SEMA4B: variants seen among roughly 807,000 people sequenced by gnomAD.
SEMA4B encodes semaphorin 4B.
SEMA4B carries 55 observed loss-of-function variants against 88.1 expected under a neutral mutation model. That is an observed-to-expected ratio of 0.62 (90% CI 0.50 to 0.78). The LOEUF (loss-of-function observed/expected upper bound fraction) is 0.78. SEMA4B is among the 30% of genes least tolerant of loss of function. The pLI, the probability that SEMA4B is intolerant of heterozygous loss-of-function variation, is 0.00. For synonymous variants in SEMA4B, 525 were observed against 473.6 expected, an observed-to-expected ratio of 1.11 and a Z score of -1.41; for missense variants, 1,062 against 1,111.9, an observed-to-expected ratio of 0.96 and a Z score of 0.64.
At chr15:90,224,547 C>A (rs1282660302) in intron 9 of SEMA4B, among the ~76,000 whole-genome samples, 1 of 152,178 alleles carries the variant, frequency 6.6e-6, no homozygotes, top group Non-Finnish European at 1.5e-5. Flanking sequence ...TGCTGGAGCC[C>A]CTGACAGATG....
intron 1 of SEMA4B, among the ~76,000 whole-genome samples, chr15:90,203,120 C>T (rs1177730848): frequency 6.6e-6 from 1 of 152,222 alleles, no homozygotes; most frequent in Non-Finnish European, 1.5e-5. Flanking sequence ...GTCGTTAGGA[C>T]AGGGCCTGGT....
At chr15:90,226,428 C>T (rs1022364513) in intron 12 of SEMA4B, among the ~76,000 whole-genome samples, 2 of 152,190 alleles carry the variant, frequency 1.3e-5, no homozygotes, top group African/African-American at 2.4e-5. Flanking sequence ...GCAACCTCCA[C>T]GTCCTGGGTT....
chr15:90,184,945 G>C (rs1960119449), upstream of SEMA4B: 5 of 986,054 alleles, frequency 5.1e-6, no homozygotes, highest in Non-Finnish European at 4.8e-6. Flanking sequence ...GCGCCGGACT[G>C]AGGCTGTGCG....
At chr15:90,217,899 G>A in intron 3 of SEMA4B, 70 bp downstream of exon 3, 1 of 1,349,110 alleles carries the variant, frequency 7.4e-7, no homozygotes, top group Non-Finnish European at 1.0e-6. Context: ...ATCCAGGCCA[G>A]AGGCGGGAGG....
chr15:90,201,444 C>T lies in SEMA4B; in HGVS notation c.-135C>T, dbSNP rs934233048. The T allele has an allele frequency of 1.2e-4, 156 of 1,298,710 alleles. No homozygotes were observed. Among genetic ancestry groups the T allele is most frequent in the Non-Finnish European group, 1.5e-4 (150 of 1,026,434 alleles). 80.4% of individuals were successfully genotyped at this position (1,298,710 alleles called of 1,614,324 possible). On this transcript the variant is annotated 5_prime_UTR_variant, in exon 1 of 14. Transcript: ENST00000411539. ...GGGCCCACTTGACCCTGTTTCCCAC[C>T]TCCCGCCCCCCAGGTCCGGAGGCGG...
At chr15:90,184,959 G>C (rs1960119996), upstream of SEMA4B, 6 of 985,946 alleles carry the variant, frequency 6.1e-6, no homozygotes, top group Non-Finnish European at 7.2e-6. Flanking sequence ...CTGTGCGCCC[G>C]AGACTCCGGG....
intron 1 of SEMA4B, among the ~76,000 whole-genome samples, chr15:90,205,133 C>A (rs1038809262): frequency 6.6e-6 from 1 of 152,210 alleles, no homozygotes; most frequent in Non-Finnish European, 1.5e-5. Flanking sequence ...AAGCTCTGGA[C>A]GCAGTATTTC....
At chr15:90,227,414 T>C (rs139383015) in intron 12 of SEMA4B, 143 bp from the exon 13 acceptor site, 35 of 638,910 alleles carry the variant, frequency 5.5e-5, no homozygotes, top group Middle Eastern at 5.7e-4. Flanking sequence ...AAATAATGTG[T>C]AGACAGAGGA....
At chr15:90,219,295 G>A (rs1181749841) in intron 3 of SEMA4B, 2 of 152,512 alleles carry the variant, frequency 1.3e-5, no homozygotes, top group African/African-American at 4.8e-5. Context: ...TAATGAAAGT[G>A]GCAAGATCTC....
rs1049069166 is a variant in SEMA4B at position 90,212,528 on chromosome 15, G to A, written c.158-4911G>A. On this transcript the variant is annotated intron_variant, in intron 1 of 13. Coordinates refer to ENST00000411539, the MANE Select transcript of SEMA4B (RefSeq NM_198925.4). The surrounding 1 kb of genome is among the most constrained non-coding windows in gnomAD (Gnocchi z 4.0). ...AGGGAGAGCATAAAAGCTTAAGACT[G>A]ACCCCAAGGTGCGCCAGCCCCTCGC... Among the ~76,000 whole-genome samples, 1 of 152,154 alleles carries A rather than the reference G, an allele frequency of 6.6e-6. No individual in the cohort carries two copies. The highest frequency in any genetic ancestry group is 2.4e-5 in the African/African-American group (1 of 41,428).
intron 1 of SEMA4B, chr15:90,190,433 G>A (rs929903660): frequency 6.6e-6 from 1 of 152,348 alleles, no homozygotes; most frequent in Non-Finnish European, 1.5e-5. Context: ...TCAGAACCAA[G>A]AGCAAGGCTC....
intron 1 of SEMA4B, chr15:90,206,557 G>A (rs993240281): frequency 1.6e-5 from 8 of 487,100 alleles, no homozygotes; most frequent in South Asian, 1.1e-4. Flanking sequence ...GGCTTCACCC[G>A]TAACCCACTG....
Position 90,212,665 on chromosome 15 carries a change from CA to C in SEMA4B, c.158-4773del, listed in dbSNP as rs1186794171. Among the ~76,000 whole-genome samples, 390 of 152,000 alleles carry C rather than the reference CA, an allele frequency of 2.6e-3. 1 individual carries two copies. Among genetic ancestry groups the C allele is most frequent in the Non-Finnish European group, 4.4e-3 (297 of 67,942 alleles). ...GTGTACACACACACACACACACACACACCACAGGCAAGCTCAGGCAGGGTCC... is the reference window on the plus strand; with the variant it reads ...GTGTACACACACACACACACACACACCCACAGGCAAGCTCAGGCAGGGTCC... On this transcript the variant is annotated intron_variant, in intron 1 of 13. Coordinates refer to ENST00000411539, the MANE Select transcript of SEMA4B (RefSeq NM_198925.4). This position sits in a 1 kb window ranked among gnomAD's most constrained non-coding sequence, Gnocchi z 4.0.
rs1168004312 is a variant in SEMA4B at position 90,229,185 on chromosome 15, AGTT to A, written c.*547_*549del. 2 of 397,068 alleles carry A rather than the reference AGTT, an allele frequency of 5.0e-6. No individual in the cohort carries two copies. Among genetic ancestry groups the A allele is most frequent in the African/African-American group, 4.2e-5 (2 of 48,182 alleles). The allele number at this position is 397,068 out of a possible 1,614,324, so 24.6% of individuals were successfully genotyped here. On this transcript the variant is annotated 3_prime_UTR_variant, in exon 14 of 14. Coordinates refer to ENST00000411539, the MANE Select transcript of SEMA4B (RefSeq NM_198925.4). Reference sequence around the variant, plus strand: ...TGCCTTGCCAGTCAGCCGAGGATGTAGTTGTTGCTGCCGTCGTCCCACCACCTC... The same window carrying A: ...TGCCTTGCCAGTCAGCCGAGGATGTAGTTGCTGCCGTCGTCCCACCACCTC...
intron 1 of SEMA4B, chr15:90,206,987 C>CA (rs11341593): frequency 2.2e-4 from 102 of 468,562 alleles, no homozygotes; most frequent in Middle Eastern, 1.3e-3. Context: ...CTTTGGCTCA[C>CA]AAAAAAAACA....
rs1177107981 is a variant in SEMA4B at position 90,225,731 on chromosome 15, G to A, written c.1592G>A (p.Ser531Asn). Residue 531 changes from serine (S) to asparagine (N), a missense_variant, in exon 12 of 14, where the codon AGC (serine) becomes AAC (asparagine). Ser to Asn is a conservative substitution (Grantham distance 46). Transcript: ENST00000411539. Reference protein sequence around the residue: ...VPMANCSLYRSCGDCLLARDP... With the variant: ...VPMANCSLYRNCGDCLLARDP... ...ATGGCCAACTGCAGCCTGTACAGGAGCTGTGGGGACTGCCTCCTCGCCCGG... is the reference window on the plus strand; with the variant it reads ...ATGGCCAACTGCAGCCTGTACAGGAACTGTGGGGACTGCCTCCTCGCCCGG... 1 of 1,573,390 alleles carries A rather than the reference G, an allele frequency of 6.4e-7. No individual in the cohort carries two copies. Among genetic ancestry groups the A allele is most frequent in the Non-Finnish European group, 8.6e-7 (1 of 1,160,474 alleles).
chr15:90,199,206 T>A (rs1960614778), upstream of SEMA4B, among the ~76,000 whole-genome samples: 1 of 152,012 alleles, frequency 6.6e-6, no homozygotes, highest in African/African-American at 2.4e-5. Context: ...CTCCAGCTGC[T>A]GTGTTGAGAA....
At position 90,229,626 on chromosome 15, in the gene SEMA4B, C is replaced by G. The variant is rs1962404925; in HGVS notation, c.*983C>G. The G allele has an allele frequency of 6.0e-6, 2 of 334,824 alleles. No individual in the cohort carries two copies. Among genetic ancestry groups the G allele is most frequent in the Non-Finnish European group, 1.2e-5 (2 of 170,686 alleles). The allele number at this position is 334,824 out of a possible 1,614,324, so 20.7% of individuals were successfully genotyped here. The stretch of plus-strand genomic sequence containing the variant: ...TTTTTTAATAAGATGCACTTTATGT[C>G]ATTTTTTAATAAAGTCTGAAGAATT... On this transcript the variant is annotated 3_prime_UTR_variant, in exon 14 of 14. Transcript: ENST00000411539.
chr15:90,214,612 A>G (rs1178608071), intron 1 of SEMA4B, among the ~76,000 whole-genome samples: 1 of 147,992 alleles, frequency 6.8e-6, no homozygotes, highest in African/African-American at 2.5e-5. Flanking sequence ...CAGCCTGGGC[A>G]ACAACAGCAA....
Sources: gnomAD v4.1 joint callset for allele counts (sites outside exome capture counted in the v4.1 genomes callset) on GRCh38, gnomAD v4.1.1 for gene constraint, Gnocchi (gnomAD v3.1) non-coding constraint, MANE v1.5 for transcripts, NCBI Gene and HGNC (gene_info 2026-07-23, HGNC 2026-07-21) for gene names.